IQSEC1: variants seen among roughly 807,000 people sequenced by gnomAD.
IQSEC1 encodes IQ motif and Sec7 domain ArfGEF 1.
In IQSEC1, 31 loss-of-function variants were observed where a neutral mutation model predicts 91.0. That is an observed-to-expected ratio of 0.34 (90% confidence interval 0.26 to 0.46). The LOEUF is 0.46. IQSEC1 is among the 20% of genes least tolerant of loss of function. IQSEC1 has a pLI of 1.00. For synonymous variants in IQSEC1, 699 were observed against 662.6 expected (o/e 1.05, Z -0.84); for missense variants, 1,388 against 1,575.6 (o/e 0.88, Z 2.02).
chr3:13,095,724 C>T (rs139130471), intron 2 of IQSEC1, among the ~76,000 whole-genome samples: 4 of 152,198 alleles, frequency 2.6e-5, no homozygotes, highest in East Asian at 1.9e-4. Flanking sequence ...GCACGCCTGT[C>T]GGGACGGGCA....
chr3:13,227,393 A>AAAAAAAAAAAAAAAAAG (rs1055638536), intron 1 of IQSEC1, among the ~76,000 whole-genome samples: 4 of 140,812 alleles, frequency 2.8e-5, no homozygotes, highest in African/African-American at 1.2e-4. Context: ...AAAAAAAAAA[A>AAAAAAAAAAAAAAAAAG]AAAGAAAGAA....
At chr3:12,925,062 G>A (rs1258383009) in intron 3 of IQSEC1, among the ~76,000 whole-genome samples, 1 of 152,158 alleles carries the variant, frequency 6.6e-6, no homozygotes, top group Non-Finnish European at 1.5e-5. Flanking sequence ...CTGGCTGCAG[G>A]GGTGCTTCTG....
intron 1 of IQSEC1, among the ~76,000 whole-genome samples, chr3:12,986,186 A>G (rs1243986140): frequency 6.6e-6 from 1 of 152,226 alleles, no homozygotes; most frequent in Non-Finnish European, 1.5e-5. Context: ...GGCTGACAGC[A>G]TGCTACAGGG....
Position 12,901,135 on chromosome 3 carries a change from C to T in IQSEC1, c.3193G>A (p.Gly1065Ser), listed in dbSNP as rs1482334187. The change falls in exon 14 of 14, where the codon GGC becomes AGC. Residue 1065 changes from glycine (G) to serine (S), a missense_variant. Transcript: ENST00000613206. ...AHQYHHGPHG[G>S]HPAYGAHAHG... ...GCATGGGCCCCGTAGGCTGGGTGGC[C>T]CCCATGGGGGCCGTGGTGGTACTGG... is the stretch of plus-strand genomic sequence containing the variant. 3.9e-6 allele frequency: 6 copies of T among 1,543,168 alleles called. No individual in the cohort carries two copies. In the East Asian group the frequency reaches 7.3e-5, roughly 19 times the overall value.
chr3:13,266,062 C>T (rs1206397113), intron 1 of IQSEC1, among the ~76,000 whole-genome samples: 4 of 151,904 alleles, frequency 2.6e-5, no homozygotes, highest in Non-Finnish European at 4.4e-5. Flanking sequence ...GACCGAGGTC[C>T]ACTATGGAGC....
intron 1 of IQSEC1, among the ~76,000 whole-genome samples, chr3:13,038,112 C>T (rs1225126446): frequency 6.7e-6 from 1 of 150,202 alleles, no homozygotes; most frequent in East Asian, 1.9e-4. Flanking sequence ...TTTAGCAACG[C>T]TGTAAAAATA....
intron 1 of IQSEC1, among the ~76,000 whole-genome samples, chr3:12,954,916 G>A (rs1699804215): frequency 1.3e-5 from 2 of 152,216 alleles, no homozygotes; most frequent in African/African-American, 4.8e-5. Flanking sequence ...CAGTGCCAAG[G>A]CACAGCTGGC....
chr3:12,899,928 A>AC lies in IQSEC1; in HGVS notation c.*1054dup. 1.0e-6 allele frequency: 1 copy of AC among 985,074 alleles called. No homozygotes were observed. Among genetic ancestry groups the AC allele is most frequent in the Non-Finnish European group, 1.2e-6 (1 of 829,858 alleles). The allele number at this position is 985,074 out of a possible 1,614,324, so 61.0% of individuals were successfully genotyped here. ...CGTGTATGGGTGCCCCTCTCGGAGG[A>AC]CTCTGAATGAGTGTGCGTCAAATCA... is the stretch of plus-strand genomic sequence containing the variant. On this transcript the variant is annotated 3_prime_UTR_variant, in exon 14 of 14. Coordinates refer to ENST00000613206, the MANE Select transcript of IQSEC1 (RefSeq NM_001134382.3).
rs997613868 is a variant in IQSEC1 at position 13,282,251 on chromosome 3, C to T, written c.272+460G>A. ...AGTCCATTCCAGGGACACCGCAACC[C>T]GCAAGCGACCCAGGCCCGCTCCAGG... On this transcript the variant is annotated intron_variant, in intron 1 of 15. Transcript: ENST00000648114. This position sits in a 1 kb window ranked among gnomAD's most constrained non-coding sequence, Gnocchi z 6.4. 2.6e-5 allele frequency among the ~76,000 whole-genome samples: 4 copies of T among 152,218 alleles called. No homozygotes were observed. The highest frequency in any genetic ancestry group is 9.6e-5 in the African/African-American group (4 of 41,472).
chr3:12,937,939 C>T (rs1379573931), intron 2 of IQSEC1, among the ~76,000 whole-genome samples: 2 of 152,148 alleles, frequency 1.3e-5, no homozygotes, highest in Non-Finnish European at 2.9e-5. Flanking sequence ...GGGTGAGCTA[C>T]ATGCAGGGAG....
chr3:13,069,085 G>A (rs1407469224), intron 1 of IQSEC1, among the ~76,000 whole-genome samples: 1 of 152,254 alleles, frequency 6.6e-6, no homozygotes, highest in Non-Finnish European at 1.5e-5. Flanking sequence ...GTGGCTTCCT[G>A]GGGCTGTAAA....
At chr3:13,013,836 G>A (rs1438925320) in intron 1 of IQSEC1, among the ~76,000 whole-genome samples, 1 of 152,208 alleles carries the variant, frequency 6.6e-6, no homozygotes, top group African/African-American at 2.4e-5. Context: ...TGAATGATGT[G>A]CATGAAACTC....
intron 2 of IQSEC1, among the ~76,000 whole-genome samples, chr3:13,162,080 G>A: frequency 6.6e-6 from 1 of 152,308 alleles, no homozygotes; most frequent in East Asian, 1.9e-4. Context: ...GGTGGGGCTG[G>A]GGCAGACCAG....
At chr3:13,250,896 C>T (rs771756053) in intron 1 of IQSEC1, among the ~76,000 whole-genome samples, 3 of 152,176 alleles carry the variant, frequency 2.0e-5, no homozygotes, top group African/African-American at 4.8e-5. Flanking sequence ...CCTGCACCCA[C>T]ATGCCTGAGT....
At chr3:13,069,403 G>GTT (rs76635153) in intron 1 of IQSEC1, among the ~76,000 whole-genome samples, 1 of 152,078 alleles carries the variant, frequency 6.6e-6, no homozygotes, top group South Asian at 2.1e-4. Flanking sequence ...GTGTGTGTGT[G>GTT]TGGAATGTTC....
intron 1 of IQSEC1, among the ~76,000 whole-genome samples, chr3:13,179,689 T>C (rs1252962567): frequency 6.6e-6 from 1 of 152,218 alleles, no homozygotes; most frequent in African/African-American, 2.4e-5. Context: ...CACGGCACTG[T>C]GGGAGCCCCT....
Position 12,900,962 on chromosome 3 carries a change from T to TG in IQSEC1, c.*20dup, listed in dbSNP as rs1455711802. ...TGGTGTGCAGGTGTTTCAGGGAGCC[T>TG]GGGACCCCTACCCAGGCTGTCTACA... On this transcript the variant is annotated 3_prime_UTR_variant, in exon 14 of 14. Coordinates refer to ENST00000613206, the MANE Select transcript of IQSEC1 (RefSeq NM_001134382.3). The TG allele has an allele frequency of 6.5e-7, 1 of 1,541,200 alleles. No individual in the cohort carries two copies. The highest frequency in any genetic ancestry group is 8.7e-7 in the Non-Finnish European group (1 of 1,146,488).
At chr3:12,981,557 A>G (rs1483165979) in intron 1 of IQSEC1, among the ~76,000 whole-genome samples, 1 of 152,218 alleles carries the variant, frequency 6.6e-6, no homozygotes, top group African/African-American at 2.4e-5. Flanking sequence ...ACTTTTCACC[A>G]TATACCCTTT....
intron 1 of IQSEC1, among the ~76,000 whole-genome samples, chr3:12,952,914 G>C (rs1224181831): frequency 2.0e-5 from 3 of 152,250 alleles, no homozygotes; most frequent in African/African-American, 7.2e-5. Flanking sequence ...GAAGAGACCT[G>C]AGCATATCTG....
Sources: allele counts gnomAD v4.1 joint callset (sites outside exome capture counted in the v4.1 genomes callset), GRCh38; gene constraint gnomAD v4.1.1; non-coding constraint Gnocchi (gnomAD v3.1); transcripts MANE v1.5; gene names NCBI Gene and HGNC (gene_info 2026-07-23, HGNC 2026-07-21).